The following OR1J2 variants were observed in gnomAD, a reference collection of about 807,000 sequenced individuals.
OR1J2 encodes olfactory receptor 1J2.
For synonymous variants in OR1J2, 142 were observed against 99.7 expected, an observed-to-expected ratio of 1.42 and a Z score of -2.52; for missense variants, 304 against 246.1, an observed-to-expected ratio of 1.24 and a Z score of -1.57.
At chr9:122,553,200 G>A in the OR1J2 span, 17 of 1,612,230 alleles carry the variant, frequency 1.1e-5, no homozygotes, top group Admixed American at 5.0e-5. Context: ...CAGATCACAC[G>A]AACTACAAGG....
At chr9:122,466,316 C>T in the OR1J2 span, among the ~76,000 whole-genome samples, 1 of 152,154 alleles carries the variant, frequency 6.6e-6, no homozygotes, top group Admixed American at 6.5e-5. Flanking sequence ...TACCCAAAAC[C>T]TAATGAACCA....
chr9:122,576,800 G>A, the OR1J2 span: 2 of 152,246 alleles, frequency 1.3e-5, no homozygotes, highest in East Asian at 1.9e-4. Flanking sequence ...TTCTGTTTGT[G>A]GGTTTCTGCT....
chr9:122,538,616 T>C, the OR1J2 span, among the ~76,000 whole-genome samples: 1 of 152,212 alleles, frequency 6.6e-6, no homozygotes. Context: ...TTTGGATACC[T>C]TTTGTTAATT....
the OR1J2 span, among the ~76,000 whole-genome samples, chr9:122,566,754 T>C: frequency 7.1e-6 from 1 of 141,586 alleles, no homozygotes; most frequent in Non-Finnish European, 1.6e-5. Context: ...TATAATAATA[T>C]TTCTATAGGC....
At chr9:122,569,160 A>G in the OR1J2 span, among the ~76,000 whole-genome samples, 4 of 152,152 alleles carry the variant, frequency 2.6e-5, no homozygotes, top group Non-Finnish European at 4.4e-5. Context: ...TCACAGAATG[A>G]AAGGTTCATC....
chr9:122,450,655 A>T, the OR1J2 span, among the ~76,000 whole-genome samples: 1 of 152,186 alleles, frequency 6.6e-6, no homozygotes. Context: ...GTTGGTGTTC[A>T]CTATAGTCAT....
At chr9:122,544,132 AGTT>A in the OR1J2 span, among the ~76,000 whole-genome samples, 1 of 152,106 alleles carries the variant, frequency 6.6e-6, no homozygotes. Context: ...AAATATATAA[AGTT>A]GTCAATTAAA....
rs766124858 is a variant in OR1J2, at chr9:122,510,996, C to T, written c.195C>T (p.His65=). ...CCCCCATGTACTTCTTCCTCAGCCACTTGGCTCTCACTGACATCTCCTTTT... is the reference window on the plus strand; with the variant it reads ...CCCCCATGTACTTCTTCCTCAGCCATTTGGCTCTCACTGACATCTCCTTTT... ...LHTPMYFFLS[H]LALTDISFSS... Residue 65 remains histidine, a synonymous_variant, in exon 1 of 1, where the codon CAC becomes CAT. Transcript: ENST00000335302. 2 of 1,608,862 alleles carry T rather than the reference C, an allele frequency of 1.2e-6. No individual in the cohort carries two copies. Among genetic ancestry groups the T allele is most frequent in the South Asian group, 1.1e-5 (1 of 90,770 alleles).
the OR1J2 span, among the ~76,000 whole-genome samples, chr9:122,575,611 A>C: frequency 6.6e-6 from 1 of 152,136 alleles, no homozygotes; most frequent in Non-Finnish European, 1.5e-5. Flanking sequence ...GCATGGTTAG[A>C]AGCTTATCAA....
At chr9:122,474,646 A>G in the OR1J2 span, among the ~76,000 whole-genome samples, 1 of 152,238 alleles carries the variant, frequency 6.6e-6, no homozygotes, top group African/African-American at 2.4e-5. Context: ...CGTGTCTGAG[A>G]TAAGAACTAT....
chr9:122,554,697 G>A, the OR1J2 span, among the ~76,000 whole-genome samples: 1 of 152,204 alleles, frequency 6.6e-6, no homozygotes, highest in East Asian at 1.9e-4. Flanking sequence ...CAAGGAAGGT[G>A]TGAGTGTACA....
At chr9:122,456,703 A>T in the OR1J2 span, among the ~76,000 whole-genome samples, 1 of 152,212 alleles carries the variant, frequency 6.6e-6, no homozygotes, top group Non-Finnish European at 1.5e-5. Context: ...AATGGTGATT[A>T]TTAAAAAGTC....
the OR1J2 span, among the ~76,000 whole-genome samples, chr9:122,454,195 A>G: frequency 6.6e-6 from 1 of 152,162 alleles, no homozygotes; most frequent in African/African-American, 2.4e-5. Context: ...AGCTAAGAAT[A>G]TTGTTCTCCT....
chr9:122,487,141 CAATAA>C, the OR1J2 span, among the ~76,000 whole-genome samples: 84 of 151,100 alleles, frequency 5.6e-4, no homozygotes, highest in African/African-American at 1.9e-3. Flanking sequence ...AATATGTAGT[CAATAA>C]AATAAATTCA....
chr9:122,507,209 A>C (rs981563548), upstream of OR1J2, among the ~76,000 whole-genome samples: 1 of 152,206 alleles, frequency 6.6e-6, no homozygotes, highest in Admixed American at 6.5e-5. Context: ...TGCTTGTGTC[A>C]GAACTGTCAG....
At chr9:122,452,081 T>C in the OR1J2 span, among the ~76,000 whole-genome samples, 1 of 152,168 alleles carries the variant, frequency 6.6e-6, no homozygotes, top group Non-Finnish European at 1.5e-5. Flanking sequence ...GGTTTCACCG[T>C]GTTGGCCAGG....
chr9:122,475,241 C>G, the OR1J2 span: 39,210 of 151,984 alleles, frequency 0.26, 5,730 homozygotes, highest in African/African-American at 0.39. Context: ...ACGGTGGGGT[C>G]TTCCTGGCTC....
At chr9:122,455,156 T>C in the OR1J2 span, among the ~76,000 whole-genome samples, 30 of 152,360 alleles carry the variant, frequency 2.0e-4, no homozygotes, top group Middle Eastern at 6.8e-3. Flanking sequence ...TTTTTGGCTA[T>C]TGTTAGTAGT....
At chr9:122,499,675 C>T in the OR1J2 span, among the ~76,000 whole-genome samples, 1 of 152,194 alleles carries the variant, frequency 6.6e-6, no homozygotes, top group Non-Finnish European at 1.5e-5. Flanking sequence ...TGAACAGGTG[C>T]TCTGAATGCC....
Sources: gnomAD v4.1 joint callset for allele counts (sites outside exome capture counted in the v4.1 genomes callset) on GRCh38, gnomAD v4.1.1 for gene constraint, MANE v1.5 for transcripts, NCBI Gene and HGNC (gene_info 2026-07-23, HGNC 2026-07-21) for gene names.